Variants in PFKFB3 observed in about 807,000 individuals in gnomAD.
PFKFB3 encodes the protein 6-phosphofructo-2-kinase/fructose-2,6-bisphosphatase 3.
PFKFB3 carries 33 observed loss-of-function variants against 68.0 expected under a neutral mutation model. That is an observed-to-expected ratio of 0.49 (90% CI 0.37 to 0.65). The LOEUF is 0.65. Ranked by LOEUF, PFKFB3 falls within the 30% of genes least tolerant of loss-of-function variation. PFKFB3 has a pLI of 0.00. For missense variants in PFKFB3, 586 were observed against 712.2 expected, an observed-to-expected ratio of 0.82 and a Z score of 2.02; for synonymous variants, 315 against 288.2, an observed-to-expected ratio of 1.09 and a Z score of -0.94.
intron 14 of PFKFB3, among the ~76,000 whole-genome samples, chr10:6,248,963 C>G (rs563755179): frequency 6.6e-6 from 1 of 151,970 alleles, no homozygotes; most frequent in Admixed American, 6.6e-5. Flanking sequence ...CACCTGAGGT[C>G]GGGAATTCGA....
chr10:6,294,209 G>A, the PFKFB3 span: 2 of 529,054 alleles, frequency 3.8e-6, no homozygotes, highest in Admixed American at 2.0e-5. Flanking sequence ...CTTGAGAGAT[G>A]TGAACAGAAG....
At chr10:6,299,967 A>AG in the PFKFB3 span, among the ~76,000 whole-genome samples, 1 of 49,634 alleles carries the variant, frequency 2.0e-5, no homozygotes, top group Non-Finnish European at 4.1e-5. Context: ...TGTTCAGAAG[A>AG]CTTTTTTTTT....
intron 14 of PFKFB3, 46 bp downstream of exon 14, chr10:6,226,411 G>A: frequency 1.3e-6 from 2 of 1,552,314 alleles, no homozygotes; most frequent in Admixed American, 1.9e-5. Flanking sequence ...CGCATGCCGG[G>A]CGTGATGCCA....
the PFKFB3 span, among the ~76,000 whole-genome samples, chr10:6,324,221 A>G: frequency 2.0e-5 from 3 of 152,156 alleles, no homozygotes; most frequent in Non-Finnish European, 2.9e-5. Context: ...AACGACAGAC[A>G]CCATATGATT....
chr10:6,195,311 G>A (rs772400335), intron 1 of PFKFB3, among the ~76,000 whole-genome samples: 16 of 152,110 alleles, frequency 1.1e-4, no homozygotes, highest in Non-Finnish European at 1.8e-4. Flanking sequence ...CTTTGCCCAG[G>A]GCTGTTCCAT....
chr10:6,203,129 G>A lies in PFKFB3; in HGVS notation c.-132G>A. On this transcript the variant is annotated 5_prime_UTR_variant, in exon 1 of 15. Transcript: ENST00000379775. ...AGCCCAAAGCACGTTTCCCCTGGCA[G>A]CGCAGGAAACGCCCGGCCGCGCGCC... The A allele has an allele frequency of 6.7e-7, 1 of 1,489,862 alleles. No individual in the cohort carries two copies. The allele number at this position is 1,489,862 out of a possible 1,614,324, so 92.3% of individuals were successfully genotyped here.
chr10:6,164,617 G>A (rs1275204971), intron 1 of PFKFB3, among the ~76,000 whole-genome samples: 3 of 151,784 alleles, frequency 2.0e-5, no homozygotes, highest in African/African-American at 7.2e-5. Context: ...CGAAGGACCC[G>A]CACTGGTGGC....
chr10:6,192,396 G>A (rs1230365871), intron 1 of PFKFB3, among the ~76,000 whole-genome samples: 4 of 108,590 alleles, frequency 3.7e-5, no homozygotes, highest in African/African-American at 1.4e-4. Context: ...GCTTGATTTG[G>A]CTCTATTTTT....
the PFKFB3 span, among the ~76,000 whole-genome samples, chr10:6,275,915 T>A: frequency 6.6e-6 from 1 of 152,222 alleles, no homozygotes; most frequent in African/African-American, 2.4e-5. The surrounding 1 kb of genome is among the most constrained non-coding windows in gnomAD (Gnocchi z 4.9). Flanking sequence ...GTGCTCCCTC[T>A]GCAGCCCACC....
Position 6,154,547 on chromosome 10 carries a change from G to C in PFKFB3, c.16+9534G>C, listed in dbSNP as rs912462646. Among the ~76,000 whole-genome samples the C allele has an allele frequency of 5.3e-5, 8 of 151,972 alleles. No homozygotes were observed. The highest frequency in any genetic ancestry group is 1.7e-4 in the African/African-American group (7 of 41,382). On this transcript the variant is annotated intron_variant, in intron 1 of 14. Coordinates refer to the PFKFB3 transcript ENST00000379789. This position sits in a 1 kb window ranked among gnomAD's most constrained non-coding sequence, Gnocchi z 4.6. ...ATAGGCGCGAGCCACCGCGCCTGGT[G>C]GGCTGAATTAACGTGACACCATAAA... is the stretch of plus-strand genomic sequence containing the variant.
intron 14 of PFKFB3, chr10:6,231,192 C>A (rs1048231456): frequency 1.8e-6 from 2 of 1,095,568 alleles, no homozygotes; most frequent in Non-Finnish European, 2.8e-6. Context: ...ACTAGAAAAT[C>A]CTACTAAAGA....
chr10:6,248,747 G>A (rs1564234947), intron 14 of PFKFB3, among the ~76,000 whole-genome samples: 1 of 151,848 alleles, frequency 6.6e-6, no homozygotes, highest in Non-Finnish European at 1.5e-5. Flanking sequence ...GTTGATTAAT[G>A]CGTCATTAAT....
chr10:6,192,139 T>TACAC (rs60638987), intron 1 of PFKFB3, among the ~76,000 whole-genome samples: 19,993 of 118,884 alleles, frequency 0.17, 1,863 homozygotes, highest in Non-Finnish European at 0.18. Context: ...CATTCCCCAA[T>TACAC]ACACACACAC....
chr10:6,166,872 T>C (rs117478257), intron 1 of PFKFB3, among the ~76,000 whole-genome samples: 1,640 of 149,932 alleles, frequency 0.011, 70 homozygotes, highest in East Asian at 0.1. Flanking sequence ...TCTTGTTGCC[T>C]AGGCTAGAGT....
rs141594023 is a variant in PFKFB3 at position 6,218,696 on chromosome 10, G to A, written c.499-873G>A. Among the ~76,000 whole-genome samples, 47 of 152,286 alleles carry A rather than the reference G, an allele frequency of 3.1e-4. 3 individuals are homozygous for A. The East Asian group carries it at 9.1e-3, about 29-fold the overall frequency. Reference sequence around the variant, plus strand: ...GATCTGCTTGCCTTGGCCTCCCAAAGTGCTGGGATTACAGGCGTGAGCCAC... The same window carrying A: ...GATCTGCTTGCCTTGGCCTCCCAAAATGCTGGGATTACAGGCGTGAGCCAC... On this transcript the variant is annotated intron_variant, in intron 6 of 14. Coordinates refer to ENST00000379775, the MANE Select transcript of PFKFB3 (RefSeq NM_004566.4).
At chr10:6,294,108 A>G in the PFKFB3 span, 53 of 496,796 alleles carry the variant, frequency 1.1e-4, no homozygotes, top group African/African-American at 5.7e-4. Context: ...ACCAGAAACC[A>G]TGGTCATATT....
At chr10:6,207,736 C>G (rs1283522861) in intron 1 of PFKFB3, among the ~76,000 whole-genome samples, 2 of 152,234 alleles carry the variant, frequency 1.3e-5, no homozygotes, top group African/African-American at 4.8e-5. Flanking sequence ...TGCCCTGTTG[C>G]TACATCAACA....
chr10:6,314,508 C>T, the PFKFB3 span, among the ~76,000 whole-genome samples: 1 of 152,220 alleles, frequency 6.6e-6, no homozygotes, highest in South Asian at 2.1e-4. Flanking sequence ...ATCATGGCAT[C>T]TTTCCATAGT....
At chr10:6,267,258 A>C in the PFKFB3 span, among the ~76,000 whole-genome samples, 1 of 152,376 alleles carries the variant, frequency 6.6e-6, no homozygotes, top group East Asian at 1.9e-4. Context: ...TGTACAAAAC[A>C]AACTCACTGC....
Sources: gnomAD v4.1 joint callset for allele counts (sites outside exome capture counted in the v4.1 genomes callset) on GRCh38, gnomAD v4.1.1 for gene constraint, Gnocchi (gnomAD v3.1) non-coding constraint, MANE v1.5 for transcripts, NCBI Gene and HGNC (gene_info 2026-07-23, HGNC 2026-07-21) for gene names.